TAF2: variants seen among roughly 807,000 people sequenced by gnomAD.
TAF2 encodes transcription initiation factor TFIID subunit 2.
In TAF2, 61 loss-of-function variants were observed where a neutral mutation model predicts 138.5. That is an observed-to-expected ratio of 0.44 (90% CI 0.36 to 0.54). The LOEUF (loss-of-function observed/expected upper bound fraction) is 0.54. Ranked by LOEUF, TAF2 falls within the 20% of genes least tolerant of loss-of-function variation. The probability of loss-of-function intolerance (pLI) is 0.00; values close to 1 mark genes in which losing one functional copy is unlikely to be tolerated. For synonymous variants in TAF2, 475 were observed against 469.9 expected, an observed-to-expected ratio of 1.01 and a Z score of -0.14; for missense variants, 1,090 against 1,427.9, an observed-to-expected ratio of 0.76 and a Z score of 3.81.
At chr8:119,751,588 A>G (rs1342339973) in intron 22 of TAF2, among the ~76,000 whole-genome samples, 1 of 152,132 alleles carries the variant, frequency 6.6e-6, no homozygotes, top group Non-Finnish European at 1.5e-5. Context: ...TTTAGCAACT[A>G]TCTCTTCATA....
chr8:119,754,817 T>A (rs887679934), intron 22 of TAF2, among the ~76,000 whole-genome samples: 2 of 152,146 alleles, frequency 1.3e-5, no homozygotes, highest in Admixed American at 1.3e-4. Flanking sequence ...TTTCAACCTA[T>A]CACAGACATA....
intron 25 of TAF2, 63 bp downstream of exon 25, chr8:119,742,471 T>C: frequency 6.3e-7 from 1 of 1,583,530 alleles, no homozygotes; most frequent in South Asian, 1.1e-5. Flanking sequence ...ATGAAGTAAC[T>C]CTATTACATT....
At chr8:119,737,666 G>A (rs1047854759) in intron 25 of TAF2, among the ~76,000 whole-genome samples, 5 of 151,718 alleles carry the variant, frequency 3.3e-5, no homozygotes, top group African/African-American at 7.3e-5. Context: ...GTACCACCAT[G>A]CCCAGCTAAT....
At chr8:119,762,871 A>C (rs961395186) in intron 18 of TAF2, 1 of 309,730 alleles carries the variant, frequency 3.2e-6, no homozygotes, top group African/African-American at 2.2e-5. Context: ...CTGGAGGGTT[A>C]ATGTAGGAGT....
chr8:119,766,903 G>A (rs1821465341), intron 18 of TAF2: 2 of 152,100 alleles, frequency 1.3e-5, no homozygotes. Context: ...AACCTCTTCT[G>A]GAAAAGTATA....
intron 10 of TAF2, among the ~76,000 whole-genome samples, chr8:119,792,809 G>A (rs1034616753): frequency 2.0e-5 from 3 of 152,064 alleles, no homozygotes; most frequent in Admixed American, 6.6e-5. Flanking sequence ...ATTCTTTCCC[G>A]CTGGAGGATG....
chr8:119,757,016 G>A lies in TAF2; in HGVS notation c.2769-901C>T, dbSNP rs962519858. 3.3e-5 allele frequency among the ~76,000 whole-genome samples: 5 copies of A among 152,098 alleles called. No homozygotes were observed. In the South Asian group the frequency reaches 8.3e-4, roughly 25 times the overall value. ...GAAATTGGGTTGTAATTCTTATGGA[G>A]GTCAGCAAAACTTTAAAGAAGGTGA... is the stretch of plus-strand genomic sequence containing the variant. On this transcript the variant is annotated intron_variant, in intron 21 of 25. Transcript: ENST00000378164.
chr8:119,806,148 C>T (rs1376744995), intron 4 of TAF2, 135 bp downstream of exon 4: 21 of 783,900 alleles, frequency 2.7e-5, no homozygotes, highest in South Asian at 4.1e-5. Flanking sequence ...GTGATCCACC[C>T]GCCTCAGCCT....
intron 2 of TAF2, among the ~76,000 whole-genome samples, chr8:119,830,926 AGAAAACTCT>A (rs765184035): frequency 1.3e-5 from 2 of 152,100 alleles, no homozygotes; most frequent in Non-Finnish European, 2.9e-5. Flanking sequence ...GCCAACATGG[AGAAAACTCT>A]GACTCCATTA....
At chr8:119,787,729 C>T (rs1823121225) in intron 14 of TAF2, among the ~76,000 whole-genome samples, 1 of 152,144 alleles carries the variant, frequency 6.6e-6, no homozygotes, top group South Asian at 2.1e-4. Flanking sequence ...CCCAGAAATC[C>T]CATTACTGGG....
Position 119,803,896 on chromosome 8 carries a change from C to G in TAF2, c.542G>C (p.Gly181Ala), listed in dbSNP as rs1824437342. 6.2e-7 allele frequency: 1 copy of G among 1,613,242 alleles called. No homozygotes were observed. The highest frequency in any genetic ancestry group is 1.3e-5 in the African/African-American group (1 of 74,830). Residue 181 changes from glycine to alanine, a missense_variant, in exon 5 of 26, where the codon GGG (glycine) becomes GCG (alanine). Coordinates refer to ENST00000378164, the MANE Select transcript of TAF2 (RefSeq NM_003184.4). ...AERGAHVFSC[G>A]YQNSTRFWFP... Reference sequence around the variant, plus strand: ...AATCTACCTTGTAGAATTTTGATACCCACAAGAGAAAACATGAGCACCTCT... The same window carrying G: ...AATCTACCTTGTAGAATTTTGATACGCACAAGAGAAAACATGAGCACCTCT...
intron 2 of TAF2, among the ~76,000 whole-genome samples, chr8:119,829,146 T>C (rs529153741): frequency 1.3e-5 from 2 of 152,168 alleles, no homozygotes; most frequent in African/African-American, 4.8e-5. Flanking sequence ...CCCCTCCTGA[T>C]CTGCTCTCTA....
chr8:119,755,921 T>A, intron 22 of TAF2, 85 bp downstream of exon 22: 2 of 1,116,620 alleles, frequency 1.8e-6, no homozygotes, highest in Middle Eastern at 2.0e-4. Context: ...TACCTTTAGT[T>A]CTAAATGCTA....
chr8:119,733,781 C>T (rs1415336094), intron 25 of TAF2, among the ~76,000 whole-genome samples: 1 of 95,354 alleles, frequency 1.0e-5, no homozygotes, highest in Non-Finnish European at 2.6e-5. Flanking sequence ...CTTAAATCCG[C>T]CCCCCCCCAT....
intron 4 of TAF2, 132 bp from the exon 5 acceptor site, chr8:119,804,151 C>T: frequency 9.4e-7 from 1 of 1,065,794 alleles, no homozygotes. Context: ...CACTACTTAC[C>T]CTAGTTTAGA....
At chr8:119,791,782 A>T (rs187143340) in intron 10 of TAF2, 255 of 194,220 alleles carry the variant, frequency 1.3e-3, no homozygotes, top group African/African-American at 5.8e-3. Context: ...ACATTGAAGC[A>T]TGCACTAAAA....
intron 22 of TAF2, among the ~76,000 whole-genome samples, chr8:119,751,818 TA>T (rs1303471612): frequency 1.3e-5 from 2 of 152,318 alleles, no homozygotes; most frequent in East Asian, 3.9e-4. Context: ...CCATATAATG[TA>T]AAAGGTCCTT....
intron 19 of TAF2, among the ~76,000 whole-genome samples, chr8:119,761,328 G>T (rs1204861118): frequency 6.6e-6 from 1 of 152,080 alleles, no homozygotes; most frequent in Non-Finnish European, 1.5e-5. Flanking sequence ...TAAAGCCTAG[G>T]TATACAGCAG....
At chr8:119,779,754 C>G (rs1822511183) in intron 17 of TAF2, among the ~76,000 whole-genome samples, 1 of 152,176 alleles carries the variant, frequency 6.6e-6, no homozygotes, top group Non-Finnish European at 1.5e-5. Flanking sequence ...GCCTAACATT[C>G]CCCTCAACAT....
Sources: allele counts gnomAD v4.1 joint callset (sites outside exome capture counted in the v4.1 genomes callset), GRCh38; gene constraint gnomAD v4.1.1; transcripts MANE v1.5; gene names NCBI Gene and HGNC (gene_info 2026-07-23, HGNC 2026-07-21).